The following CD5L variants were observed in gnomAD, a reference collection of about 807,000 sequenced individuals.
CD5L encodes the protein CD5 antigen-like.
CD5L carries 39 observed loss-of-function variants against 40.8 expected under a neutral mutation model. The observed-to-expected ratio is 0.96, with a 90% CI of 0.74 to 1.25. The LOEUF is 1.25. Among genes scored for constraint, CD5L ranks in the 50% most tolerant of loss-of-function variants. The probability of loss-of-function intolerance (pLI) is 0.00; values close to 1 mark genes in which losing one functional copy is unlikely to be tolerated. For synonymous variants in CD5L, 192 were observed against 169.6 expected (o/e 1.13, Z -1.03); for missense variants, 433 against 435.9 (o/e 0.99, Z 0.06).
At chr1:157,839,935 G>T (rs1418846245) in intron 1 of CD5L, among the ~76,000 whole-genome samples, 1 of 152,126 alleles carries the variant, frequency 6.6e-6, no homozygotes, top group African/African-American at 2.4e-5. Context: ...AGTTTTGTGG[G>T]CCATACAGTG....
rs1656102822 is a variant in CD5L, at chr1:157,833,403, CT to C, written c.827del (p.Lys276ArgfsTer93). The C allele has an allele frequency of 1.2e-6, 2 of 1,614,130 alleles. No individual in the cohort carries two copies. Among genetic ancestry groups the C allele is most frequent in the East Asian group, 4.5e-5 (2 of 44,876 alleles). ...GSVCDDNWGE[K>X]EDQVVCKQLG... The stretch of plus-strand genomic sequence containing the variant: ...GTTGCTTGCATACCACCTGGTCCTC[CT>C]TTTCTCCCCAGTTGTCATCACAGAC... On this transcript the variant is annotated frameshift_variant, in exon 5 of 6. Coordinates refer to ENST00000368174, the MANE Select transcript of CD5L (RefSeq NM_005894.3). LOFTEE classifies it high-confidence loss of function.
At chr1:157,839,689 A>G (rs1237104554) in intron 1 of CD5L, among the ~76,000 whole-genome samples, 1 of 139,734 alleles carries the variant, frequency 7.2e-6, no homozygotes, top group Non-Finnish European at 1.5e-5. Flanking sequence ...ATTCTAGTCA[A>G]TTAGATTGAT....
Position 157,836,040 on chromosome 1 carries a change from G to A in CD5L, c.171C>T (p.Asp57=), listed in dbSNP as rs141811796. The change falls in exon 3 of 6, where the codon GAC becomes GAT. Residue 57 remains aspartate, a synonymous_variant. Coordinates refer to ENST00000368174, the MANE Select transcript of CD5L (RefSeq NM_005894.3). ...TVCDDGWDIK[D]VAVLCRELGC... ...CCAGCTCCCGGCACAACACAGCCAC[G>A]TCCTTAATGTCCCAGCCGTCATCAC... 1.6e-5 allele frequency: 26 copies of A among 1,614,040 alleles called. No homozygotes were observed. Among genetic ancestry groups the A allele is most frequent in the African/African-American group, 1.1e-4 (8 of 74,934 alleles).
At position 157,831,967 on chromosome 1, in the gene CD5L, T is replaced by C. The variant is rs764878157; in HGVS notation, c.1041A>G (p.Gly347=). Residue 347 remains glycine (G), a splice_region_variant and synonymous_variant, in exon 6 of 6, where the codon GGA becomes GGG. Transcript: ENST00000368174. ...CAGGTCAAGCAACACCAGGATACTA[T>C]CCTATAAAGAGAAGAGGAAAATGCA... is the stretch of plus-strand genomic sequence containing the variant. ...HQEDVAVICS[G] The C allele has an allele frequency of 6.3e-7, 1 of 1,588,250 alleles. No homozygotes were observed. Among genetic ancestry groups the C allele is most frequent in the East Asian group, 2.3e-5 (1 of 43,974 alleles).
At chr1:157,829,733 G>A (rs1192467533), downstream of CD5L, among the ~76,000 whole-genome samples, 15 of 152,062 alleles carry the variant, frequency 9.9e-5, no homozygotes, top group Non-Finnish European at 2.9e-5. Flanking sequence ...TATTATCTGG[G>A]GTTCTTTTGG....
At chr1:157,835,317 G>A (rs2765502) in intron 3 of CD5L, among the ~76,000 whole-genome samples, 112,695 of 152,082 alleles carry the variant, frequency 0.74, 41,924 homozygotes, top group South Asian at 0.85. Flanking sequence ...AAGCAAGTAT[G>A]TGGGGGGAAG....
At chr1:157,841,154 C>T (rs995977600) in intron 1 of CD5L, among the ~76,000 whole-genome samples, 8 of 152,086 alleles carry the variant, frequency 5.3e-5, no homozygotes, top group Non-Finnish European at 8.8e-5. Flanking sequence ...GAAATCAAAA[C>T]GGCAGGATTG....
chr1:157,831,490 G>A lies in CD5L; in HGVS notation c.*474C>T. On this transcript the variant is annotated 3_prime_UTR_variant, in exon 6 of 6. Coordinates refer to ENST00000368174, the MANE Select transcript of CD5L (RefSeq NM_005894.3). ...AAAAGAATTCTAAACTTTCCCCCAAGTTGCAAGAAATTGTCTACCCACATT... is the reference window on the plus strand; with the variant it reads ...AAAAGAATTCTAAACTTTCCCCCAAATTGCAAGAAATTGTCTACCCACATT... 2.0e-6 allele frequency: 2 copies of A among 985,326 alleles called. No individual in the cohort carries two copies. The highest frequency in any genetic ancestry group is 1.8e-5 in the African/African-American group (1 of 57,080). The allele number at this position is 985,326 out of a possible 1,614,324, so 61.0% of individuals were successfully genotyped here.
intron 2 of CD5L, among the ~76,000 whole-genome samples, chr1:157,838,917 C>A (rs1489394166): frequency 6.6e-6 from 1 of 152,194 alleles, no homozygotes; most frequent in East Asian, 1.9e-4. Context: ...CCCAAAGACT[C>A]CCCGAGCAGG....
At chr1:157,838,891 TATCATTTGTGC>T (rs1426039290) in intron 2 of CD5L, among the ~76,000 whole-genome samples, 1 of 152,194 alleles carries the variant, frequency 6.6e-6, no homozygotes, top group Non-Finnish European at 1.5e-5. Flanking sequence ...TCCTTGGGTT[TATCATTTGTGC>T]ATTACCCAAA....
At chr1:157,830,360 C>G (rs1256585335), downstream of CD5L, among the ~76,000 whole-genome samples, 1 of 152,128 alleles carries the variant, frequency 6.6e-6, no homozygotes, top group Non-Finnish European at 1.5e-5. Flanking sequence ...AATTCATTCT[C>G]TCTTCAGTGT....
intron 5 of CD5L, among the ~76,000 whole-genome samples, chr1:157,832,591 G>C (rs933257554): frequency 6.6e-6 from 1 of 152,116 alleles, no homozygotes; most frequent in African/African-American, 2.4e-5. Flanking sequence ...CTACAGTTCA[G>C]GGCTGGTATT....
Position 157,834,582 on chromosome 1 carries a change from A to G in CD5L, c.543T>C (p.Cys181=). Reference sequence around the variant, plus strand: ...GTTTTTGAGTCAGTACAGCCCTCCCACATCCCAGCTGCCGGCACACCACCT... The same window carrying G: ...GTTTTTGAGTCAGTACAGCCCTCCCGCATCCCAGCTGCCGGCACACCACCT... The part of the protein sequence containing the change: ...AAKVVCRQLG[C]GRAVLTQKRC... Residue 181 remains cysteine, a synonymous_variant, in exon 4 of 6, where the codon TGT becomes TGC. Transcript: ENST00000368174. 1 of 1,614,066 alleles carries G rather than the reference A, an allele frequency of 6.2e-7. No homozygotes were observed. Among genetic ancestry groups the G allele is most frequent in the Non-Finnish European group, 8.5e-7 (1 of 1,180,018 alleles).
intron 1 of CD5L, among the ~76,000 whole-genome samples, chr1:157,840,781 G>A (rs1656350071): frequency 2.0e-5 from 3 of 152,172 alleles, no homozygotes; most frequent in Non-Finnish European, 4.4e-5. Context: ...TCATGAAGCA[G>A]GTGGAAGTGC....
chr1:157,836,192 G>C lies in CD5L; in HGVS notation c.56-37C>G, dbSNP rs1162919600. On this transcript the variant is annotated intron_variant, in intron 2 of 5. Coordinates refer to ENST00000368174, the MANE Select transcript of CD5L (RefSeq NM_005894.3). ...CGGGTTGTTAGCTAGAGGCCTGAGA[G>C]GAGCTCAGAGGGTCCTTAGGCATGT... The C allele has an allele frequency of 4.5e-6, 7 of 1,556,492 alleles. No individual in the cohort carries two copies. In the South Asian group the frequency reaches 8.3e-5, roughly 19 times the overall value.
intron 2 of CD5L, among the ~76,000 whole-genome samples, chr1:157,836,364 T>C (rs1365053588): frequency 1.3e-5 from 2 of 152,206 alleles, no homozygotes; most frequent in African/African-American, 4.8e-5. Flanking sequence ...AATGGTACCC[T>C]GTCAAGAAAC....
chr1:157,829,467 G>C (rs2101933469), downstream of CD5L, among the ~76,000 whole-genome samples: 1 of 152,272 alleles, frequency 6.6e-6, no homozygotes, highest in East Asian at 1.9e-4. Flanking sequence ...TTAATGTGGA[G>C]GCCATGAGCT....
At chr1:157,832,624 T>C (rs779426313) in intron 5 of CD5L, among the ~76,000 whole-genome samples, 65 of 152,280 alleles carry the variant, frequency 4.3e-4, no homozygotes, top group Non-Finnish European at 7.4e-4. Flanking sequence ...ATAACTCTCT[T>C]ATGGGCATTC....
chr1:157,831,686 G>C lies in CD5L; in HGVS notation c.*278C>G. On this transcript the variant is annotated 3_prime_UTR_variant, in exon 6 of 6. Coordinates refer to ENST00000368174, the MANE Select transcript of CD5L (RefSeq NM_005894.3). ...AGGCAGCTTGAGAAAAGGCAGGAAA[G>C]GCCAGAACCAGTGTCAAAGGGTCAG... The C allele has an allele frequency of 2.5e-6, 3 of 1,208,194 alleles. No homozygotes were observed. The highest frequency in any genetic ancestry group is 3.1e-6 in the Non-Finnish European group (3 of 972,586). The allele number at this position is 1,208,194 out of a possible 1,614,324, so 74.8% of individuals were successfully genotyped here. A position where few individuals can be genotyped will look rare whatever the true frequency, so the allele number is the denominator to read the frequency against.
Sources: gnomAD v4.1 joint callset for allele counts (sites outside exome capture counted in the v4.1 genomes callset) on GRCh38, gnomAD v4.1.1 for gene constraint, MANE v1.5 for transcripts, NCBI Gene and HGNC (gene_info 2026-07-23, HGNC 2026-07-21) for gene names.